Variants in TESPA1 observed in about 807,000 individuals in gnomAD.
TESPA1 encodes the protein protein TESPA1.
A neutral mutation model predicts 57.9 loss-of-function variants in TESPA1; 33 were observed. That is an observed-to-expected ratio of 0.57 (90% CI 0.43 to 0.76). The LOEUF (loss-of-function observed/expected upper bound fraction) is 0.76, where lower values mean the gene tolerates loss of function less well. TESPA1 is among the 30% of genes least tolerant of loss of function. The pLI is 0.00. For synonymous variants in TESPA1, 227 were observed against 228.9 expected (o/e 0.99, Z 0.07); for missense variants, 618 against 632.9 (o/e 0.98, Z 0.25).
At chr12:54,983,848 T>A (rs1489778630) in intron 1 of TESPA1, 1 of 152,144 alleles carries the variant, frequency 6.6e-6, no homozygotes, top group Non-Finnish European at 1.5e-5. Flanking sequence ...GCAAGGGGTG[T>A]TGGAGGAGCA....
chr12:54,968,025 G>T, intron 3 of TESPA1, 133 bp from the exon 4 acceptor site: 1 of 1,533,792 alleles, frequency 6.5e-7, no homozygotes, highest in Non-Finnish European at 8.7e-7. Context: ...TTTTATGTTG[G>T]AGAAAACAAA....
At chr12:54,967,337 AC>A in intron 4 of TESPA1, 101 bp from the exon 5 acceptor site, 1 of 1,329,826 alleles carries the variant, frequency 7.5e-7, no homozygotes. Context: ...ATGCCCTTAG[AC>A]TAGACTTGCA....
At chr12:54,963,306 C>T in intron 8 of TESPA1, 64 bp from the exon 9 acceptor site, 1 of 1,455,458 alleles carries the variant, frequency 6.9e-7, no homozygotes. Flanking sequence ...AAATCTCTCC[C>T]TTCAGGAGGC....
chr12:54,983,378 A>C (rs1356639208), intron 1 of TESPA1, among the ~76,000 whole-genome samples: 2 of 152,178 alleles, frequency 1.3e-5, no homozygotes, highest in Non-Finnish European at 2.9e-5. Context: ...GTAGAGACAG[A>C]CAATAAACCT....
At chr12:54,951,634 A>T (rs1363646726) in intron 10 of TESPA1, among the ~76,000 whole-genome samples, 1 of 152,210 alleles carries the variant, frequency 6.6e-6, no homozygotes, top group Non-Finnish European at 1.5e-5. Context: ...AAATATTCTT[A>T]TCAAGGTTAG....
rs4758992 is a variant in TESPA1, at chr12:54,948,599, T to C, written c.*1793A>G. The C allele has an allele frequency of 0.12, 18,075 of 152,324 alleles. 1,828 individuals carry two copies. Among genetic ancestry groups the C allele is most frequent in the East Asian group, 0.53 (2,737 of 5,166 alleles). The allele number at this position is 152,324 out of a possible 1,614,324, so 9.4% of individuals were successfully genotyped here. A position where few individuals can be genotyped will look rare whatever the true frequency, so the allele number is the denominator to read the frequency against. On this transcript the variant is annotated 3_prime_UTR_variant, in exon 11 of 11. Coordinates refer to ENST00000449076, the MANE Select transcript of TESPA1 (RefSeq NM_001136030.3). ...TGCTCATACCATGTAAGATGCCTGCTCCCACTTTGCTTTCCACCATGAGTT... is the reference window on the plus strand; with the variant it reads ...TGCTCATACCATGTAAGATGCCTGCCCCCACTTTGCTTTCCACCATGAGTT...
In TESPA1 at chr12:54,967,311, AC is replaced by A. The variant is rs1221284677; in HGVS notation, c.257-76del. On this transcript the variant is annotated intron_variant, in intron 4 of 10. Transcript: ENST00000449076. ...CACATGCACATGCACACCCCTGCAT[AC>A]ACGAACATCTTCACATGCCCTTAGA... The A allele has an allele frequency of 1.3e-5, 19 of 1,498,546 alleles. 1 individual carries two copies. The African/African-American group carries it at 2.4e-4, about 19-fold the overall frequency. 92.8% of individuals were successfully genotyped at this position (1,498,546 alleles called of 1,614,324 possible).
upstream of TESPA1, chr12:54,984,789 A>G (rs1210424459): frequency 6.6e-6 from 1 of 152,422 alleles, no homozygotes; most frequent in African/African-American, 2.4e-5. Flanking sequence ...ACACATCCAC[A>G]CATGTAGATG....
Position 54,970,283 on chromosome 12 carries a change from A to T in TESPA1, c.207-2391T>A, listed in dbSNP as rs74092423. Among the ~76,000 whole-genome samples, 1,021 of 152,278 alleles carry T rather than the reference A, an allele frequency of 6.7e-3. 18 individuals carry two copies. The highest frequency in any genetic ancestry group is 0.023 in the African/African-American group (976 of 41,552). On this transcript the variant is annotated intron_variant, in intron 3 of 10. Coordinates refer to ENST00000449076, the MANE Select transcript of TESPA1 (RefSeq NM_001136030.3). The stretch of plus-strand genomic sequence containing the variant: ...ATTCATTTTTCAGTAAGTATATTAT[A>T]CTTCAATATAATTTATATTAAAAAG...
intron 7 of TESPA1, among the ~76,000 whole-genome samples, chr12:54,964,724 C>T (rs542973772): frequency 4.2e-4 from 64 of 152,308 alleles, no homozygotes; most frequent in African/African-American, 1.4e-3. Context: ...TCTTGTTTAG[C>T]TAATAGCTGG....
chr12:54,982,261 G>C (rs1277149090), intron 1 of TESPA1, among the ~76,000 whole-genome samples: 5 of 152,150 alleles, frequency 3.3e-5, no homozygotes. Flanking sequence ...ATCAGAACAA[G>C]AATTTCCCTG....
intron 1 of TESPA1, among the ~76,000 whole-genome samples, chr12:54,982,594 G>T (rs1273196879): frequency 6.6e-6 from 1 of 152,228 alleles, no homozygotes; most frequent in South Asian, 2.1e-4. Context: ...AAAATTAATC[G>T]CTTGTTCTCA....
chr12:54,967,140 A>G (rs957991457), intron 5 of TESPA1, 43 bp downstream of exon 5: 4 of 1,607,496 alleles, frequency 2.5e-6, no homozygotes, highest in Non-Finnish European at 2.6e-6. Flanking sequence ...TACAATGTAT[A>G]TCCTGTTTTC....
chr12:54,950,718 A>G (rs1310231782), intron 10 of TESPA1, among the ~76,000 whole-genome samples: 2 of 152,216 alleles, frequency 1.3e-5, no homozygotes, highest in Non-Finnish European at 2.9e-5. Flanking sequence ...GCACCTTGAA[A>G]TGAGCCTAAC....
chr12:54,969,043 A>ATG (rs1221749138), intron 3 of TESPA1, among the ~76,000 whole-genome samples: 2 of 119,364 alleles, frequency 1.7e-5, no homozygotes, highest in Admixed American at 1.8e-4. Context: ...ATATATATAT[A>ATG]TATGTGTGTG....
intron 7 of TESPA1, 140 bp downstream of exon 7, chr12:54,965,913 C>T (rs1319687938): frequency 5.3e-6 from 4 of 750,540 alleles, no homozygotes; most frequent in Non-Finnish European, 8.7e-6. Flanking sequence ...CAAATATGGT[C>T]ACATTTTTCA....
Position 54,966,161 on chromosome 12 carries a change from T to G in TESPA1, c.348-10A>C, listed in dbSNP as rs769342592. ...TGTCTCGAGGAAACTCCTGCAGAGA[T>G]CAAAGCTGATGTCATACAAATCTTG... is the stretch of plus-strand genomic sequence containing the variant. On this transcript the variant is annotated splice_polypyrimidine_tract_variant and intron_variant, in intron 6 of 10. Transcript: ENST00000449076. The G allele has an allele frequency of 1.9e-5, 29 of 1,564,528 alleles. No individual in the cohort carries two copies. Among genetic ancestry groups the G allele is most frequent in the Admixed American group, 5.7e-5 (3 of 52,280 alleles).
At chr12:54,959,123 G>T (rs975377730) in intron 10 of TESPA1, among the ~76,000 whole-genome samples, 11 of 151,958 alleles carry the variant, frequency 7.2e-5, no homozygotes, top group Non-Finnish European at 1.2e-4. Context: ...TGGTGGTAAG[G>T]TTTAGGGAGA....
At chr12:54,981,375 G>A (rs1952315582) in intron 1 of TESPA1, among the ~76,000 whole-genome samples, 1 of 144,526 alleles carries the variant, frequency 6.9e-6, no homozygotes. Context: ...GTTAAGCAGA[G>A]ATAAAAAGTA....
Sources: allele counts gnomAD v4.1 joint callset (sites outside exome capture counted in the v4.1 genomes callset), GRCh38; gene constraint gnomAD v4.1.1; transcripts MANE v1.5; gene names NCBI Gene and HGNC (gene_info 2026-07-23, HGNC 2026-07-21).